Variants in LNPEP observed in about 807,000 individuals in gnomAD.
LNPEP encodes the protein leucyl-cystinyl aminopeptidase.
Under a neutral mutation model 120.6 loss-of-function variants are expected in LNPEP, and 64 were observed. The observed-to-expected ratio is 0.53, with a 90% CI of 0.43 to 0.65. LNPEP has a LOEUF of 0.65. Ranked by LOEUF, LNPEP falls within the 30% of genes least tolerant of loss-of-function variation. The pLI, the probability that LNPEP is intolerant of heterozygous loss-of-function variation, is 0.00. For missense variants in LNPEP, 1,057 were observed against 1,200.0 expected, an observed-to-expected ratio of 0.88 and a Z score of 1.76; for synonymous variants, 435 against 425.4, an observed-to-expected ratio of 1.02 and a Z score of -0.28.
intron 11 of LNPEP, among the ~76,000 whole-genome samples, chr5:97,013,303 C>T (rs182508441): frequency 7.9e-4 from 120 of 152,230 alleles, no homozygotes; most frequent in Middle Eastern, 3.4e-3. Context: ...TATGTGCATT[C>T]GTTGAATGCT....
At position 97,027,824 on chromosome 5, in the gene LNPEP, A is replaced by T; in HGVS notation, c.2946+10A>T. The T allele has an allele frequency of 6.5e-7, 1 of 1,534,568 alleles. No individual in the cohort carries two copies. Among genetic ancestry groups the T allele is most frequent in the South Asian group, 1.1e-5 (1 of 89,464 alleles). On this transcript the variant is annotated intron_variant, in intron 17 of 17. Coordinates refer to ENST00000231368, the MANE Select transcript of LNPEP (RefSeq NM_005575.3). Reference sequence around the variant, plus strand: ...GACACATTTATCTGAGGTTGGTTTTATAAAATGATAATACAGAGACTGGGC... The same window carrying T: ...GACACATTTATCTGAGGTTGGTTTTTTAAAATGATAATACAGAGACTGGGC...
At chr5:96,996,036 C>A (rs976747902) in intron 6 of LNPEP, 2 of 160,620 alleles carry the variant, frequency 1.2e-5, no homozygotes, top group African/African-American at 4.8e-5. Flanking sequence ...AGAAAAATGT[C>A]ATTATCTTGG....
chr5:97,034,239 C>T lies in LNPEP; in HGVS notation c.*5706C>T, dbSNP rs571486948. On this transcript the variant is annotated 3_prime_UTR_variant, in exon 18 of 18. Coordinates refer to ENST00000231368, the MANE Select transcript of LNPEP (RefSeq NM_005575.3). ...AGAAATGTATATAAATGTTCTTGCTCCTTTTTCCTGTTACTTCATTGTGTG... is the reference window on the plus strand; with the variant it reads ...AGAAATGTATATAAATGTTCTTGCTTCTTTTTCCTGTTACTTCATTGTGTG... The T allele has an allele frequency of 5.3e-5, 8 of 151,974 alleles. No individual in the cohort carries two copies. The highest frequency in any genetic ancestry group is 5.2e-4 in the Admixed American group (8 of 15,240). 9.4% of individuals were successfully genotyped at this position (151,974 alleles called of 1,614,324 possible). A position where few individuals can be genotyped will look rare whatever the true frequency, so the allele number is the denominator to read the frequency against.
intron 14 of LNPEP, 79 bp downstream of exon 14, chr5:97,022,563 T>A: frequency 5.3e-6 from 6 of 1,131,886 alleles, no homozygotes; most frequent in East Asian, 4.9e-5. Flanking sequence ...GGTATTCTCA[T>A]CCTGGATCAT....
chr5:96,949,721 A>T (rs1246026465), intron 1 of LNPEP, among the ~76,000 whole-genome samples: 1 of 152,250 alleles, frequency 6.6e-6, no homozygotes, highest in Non-Finnish European at 1.5e-5. Context: ...AATTACATAT[A>T]GCAGACAAAA....
chr5:96,975,102 C>A (rs966726333), intron 1 of LNPEP, among the ~76,000 whole-genome samples: 1 of 152,118 alleles, frequency 6.6e-6, no homozygotes, highest in African/African-American at 2.4e-5. Context: ...CTGTTTCCCA[C>A]ATTTATAGGT....
intron 1 of LNPEP, among the ~76,000 whole-genome samples, chr5:96,955,300 A>G (rs944860204): frequency 6.6e-6 from 1 of 152,094 alleles, no homozygotes; most frequent in Non-Finnish European, 1.5e-5. Context: ...TTGACTCAGC[A>G]TACTGGTTTC....
intron 13 of LNPEP, among the ~76,000 whole-genome samples, chr5:97,018,934 T>G (rs1300068348): frequency 3.9e-5 from 6 of 152,224 alleles, no homozygotes; most frequent in Non-Finnish European, 7.3e-5. Flanking sequence ...CCTAGCCATA[T>G]TCCTGTTTTA....
In LNPEP at chr5:97,022,366, T is replaced by G; in HGVS notation, c.2443T>G (p.Ser815Ala). The G allele has an allele frequency of 6.2e-7, 1 of 1,613,966 alleles. No homozygotes were observed. Among genetic ancestry groups the G allele is most frequent in the Non-Finnish European group, 8.5e-7 (1 of 1,179,850 alleles). Residue 815 changes from serine (S) to alanine (A), a missense_variant, in exon 14 of 18, where the codon TCT (serine) becomes GCT (alanine). Transcript: ENST00000231368. ...AACTTGGACTGATGAGGGCACTCCA[T>G]CTATGCGAGAGCTTCGGTCAGCCCT... ...QQTWTDEGTP[S>A]MRELRSALLE...
chr5:96,951,105 G>A (rs936614302), intron 1 of LNPEP, among the ~76,000 whole-genome samples: 3 of 152,182 alleles, frequency 2.0e-5, no homozygotes. Context: ...CTGTGCATAT[G>A]TGGAGAGAGC....
intron 11 of LNPEP, among the ~76,000 whole-genome samples, chr5:97,009,902 TTAGTA>T (rs1449296382): frequency 2.6e-5 from 4 of 152,204 alleles, no homozygotes; most frequent in Admixed American, 6.5e-5. Context: ...CTGTAATACT[TTAGTA>T]TAGTGTATTA....
At chr5:96,991,113 G>C (rs1308141380) in intron 4 of LNPEP, among the ~76,000 whole-genome samples, 7 of 151,984 alleles carry the variant, frequency 4.6e-5, no homozygotes, top group Admixed American at 4.6e-4. Flanking sequence ...TTATGCCTTT[G>C]CATCCTCATA....
chr5:96,941,102 A>G lies in LNPEP; in HGVS notation c.19+4928A>G, dbSNP rs180689620. 1.5e-3 allele frequency among the ~76,000 whole-genome samples: 231 copies of G among 152,258 alleles called. 7 individuals carry two copies. Among genetic ancestry groups the G allele is most frequent in the Admixed American group, 0.015 (229 of 15,300 alleles). ...CTGCAAGTAGACAGTCCCATCTAGG[A>G]GTGGTGGGAGACAGTGACAGATCAG... On this transcript the variant is annotated intron_variant, in intron 1 of 17. Transcript: ENST00000231368.
chr5:96,983,285 G>C lies in LNPEP; in HGVS notation c.861-1795G>C, dbSNP rs560050063. 2.7e-5 allele frequency among the ~76,000 whole-genome samples: 4 copies of C among 148,934 alleles called. No individual in the cohort carries two copies. The South Asian group carries it at 8.5e-4, about 32-fold the overall frequency. On this transcript the variant is annotated intron_variant, in intron 2 of 17. Transcript: ENST00000231368. Reference sequence around the variant, plus strand: ...TGGTTGTATATGTGCTATATTGATTGGTACCTGAAATATGCACACCAGGGC... The same window carrying C: ...TGGTTGTATATGTGCTATATTGATTCGTACCTGAAATATGCACACCAGGGC...
At chr5:96,996,321 C>G in intron 6 of LNPEP, 69 bp from the exon 7 acceptor site, 1 of 837,330 alleles carries the variant, frequency 1.2e-6, no homozygotes, top group South Asian at 1.4e-5. Flanking sequence ...TATGACACTT[C>G]AGCCAATTAT....
At chr5:96,990,700 C>G (rs552049431) in intron 4 of LNPEP, among the ~76,000 whole-genome samples, 1 of 152,138 alleles carries the variant, frequency 6.6e-6, no homozygotes. Flanking sequence ...TGCTTAAGGT[C>G]ATACAGATAG....
chr5:96,975,287 T>G (rs1042716176), intron 1 of LNPEP, among the ~76,000 whole-genome samples: 1 of 152,076 alleles, frequency 6.6e-6, no homozygotes, highest in African/African-American at 2.4e-5. Context: ...CTTCCTTGCC[T>G]CAAAAAAAAT....
chr5:96,945,505 A>G (rs1462507632), intron 1 of LNPEP, among the ~76,000 whole-genome samples: 1 of 152,112 alleles, frequency 6.6e-6, no homozygotes, highest in African/African-American at 2.4e-5. Context: ...GGTCTAAGAA[A>G]TATATTTTGG....
In LNPEP at chr5:97,036,618, A is replaced by G. The variant is rs1452165921; in HGVS notation, c.*8085A>G. On this transcript the variant is annotated 3_prime_UTR_variant, in exon 18 of 18. Transcript: ENST00000231368. The stretch of plus-strand genomic sequence containing the variant: ...CCTCTCTGCTCTCCTCCCTTCCTTC[A>G]GGCCTCTTAGCATTGTTTGTTTTCC... The G allele has an allele frequency of 6.6e-6, 1 of 152,044 alleles. No individual in the cohort carries two copies. Among genetic ancestry groups the G allele is most frequent in the African/African-American group, 2.4e-5 (1 of 41,390 alleles). 9.4% of individuals were successfully genotyped at this position (152,044 alleles called of 1,614,324 possible).
Sources: gnomAD v4.1 joint callset for allele counts (sites outside exome capture counted in the v4.1 genomes callset) on GRCh38, gnomAD v4.1.1 for gene constraint, MANE v1.5 for transcripts, NCBI Gene and HGNC (gene_info 2026-07-23, HGNC 2026-07-21) for gene names.